ADGRL3: variants seen among roughly 807,000 people sequenced by gnomAD.
ADGRL3 encodes calcium-independent alpha-latrotoxin receptor 3.
A neutral mutation model predicts 153.5 loss-of-function variants in ADGRL3; 62 were observed. The ratio of observed to expected loss-of-function variants is 0.40; its 90% CI spans 0.33 to 0.50. The LOEUF is 0.50. Ranked by LOEUF, ADGRL3 falls within the 20% of genes least tolerant of loss-of-function variation. ADGRL3 has a pLI of 0.47. For missense variants in ADGRL3, 1,641 were observed against 1,859.4 expected, an observed-to-expected ratio of 0.88 and a Z score of 2.16; for synonymous variants, 710 against 672.5, an observed-to-expected ratio of 1.06 and a Z score of -0.86.
At chr4:61,759,127 T>A (rs1200014475) in intron 8 of ADGRL3, among the ~76,000 whole-genome samples, 1 of 152,182 alleles carries the variant, frequency 6.6e-6, no homozygotes, top group Non-Finnish European at 1.5e-5. Flanking sequence ...TTCCTTCATT[T>A]CAACTTTGGT....
chr4:61,883,895 A>T (rs986031515), intron 9 of ADGRL3, among the ~76,000 whole-genome samples: 1 of 152,018 alleles, frequency 6.6e-6, no homozygotes, highest in African/African-American at 2.4e-5. Flanking sequence ...CACAATGTGT[A>T]ATGCAAGACA....
chr4:61,415,206 G>T (rs2097132389), intron 2 of ADGRL3, among the ~76,000 whole-genome samples: 1 of 151,822 alleles, frequency 6.6e-6, no homozygotes, highest in South Asian at 2.1e-4. Flanking sequence ...GACCTCAGCT[G>T]AGATACTACT....
intron 21 of ADGRL3, among the ~76,000 whole-genome samples, chr4:62,010,946 T>A (rs563779346): frequency 1.3e-3 from 192 of 152,294 alleles, no homozygotes; most frequent in African/African-American, 4.5e-3. Context: ...AAAACCAAGT[T>A]CATATCTTTA....
At chr4:62,059,480 G>A (rs917195455) in intron 25 of ADGRL3, among the ~76,000 whole-genome samples, 1 of 152,136 alleles carries the variant, frequency 6.6e-6, no homozygotes, top group African/African-American at 2.4e-5. Context: ...AGACAGTAAA[G>A]AAGCAAGTGA....
intron 6 of ADGRL3, among the ~76,000 whole-genome samples, chr4:61,725,059 T>A (rs2096304014): frequency 6.6e-6 from 1 of 152,154 alleles, no homozygotes; most frequent in Admixed American, 6.5e-5. Context: ...TCTTTGAAAA[T>A]ACCATAGTGC....
intron 8 of ADGRL3, among the ~76,000 whole-genome samples, chr4:61,736,386 G>A (rs894126326): frequency 6.6e-6 from 1 of 152,196 alleles, no homozygotes; most frequent in East Asian, 1.9e-4. Flanking sequence ...GGGCGTGGTG[G>A]CTCTTGCCTG....
At chr4:61,325,287 G>C (rs1363113085) in intron 1 of ADGRL3, among the ~76,000 whole-genome samples, 1 of 152,026 alleles carries the variant, frequency 6.6e-6, no homozygotes, top group East Asian at 1.9e-4. Context: ...CCTCCAGCCT[G>C]GCGACAGTGA....
chr4:61,373,205 A>G (rs572929768), intron 1 of ADGRL3, among the ~76,000 whole-genome samples: 3 of 152,230 alleles, frequency 2.0e-5, no homozygotes, highest in Admixed American at 2.0e-4. Flanking sequence ...TCAGGCTGGG[A>G]GCTGTAGACC....
rs35918477 is a variant in ADGRL3, at chr4:61,200,501, G to GCGCCGCCGCCGCCGCCGC, written c.-1497_-1480dup. ...CAGATGCTGCAGCTGGTCGGGGTGG[G>GCGCCGCCGCCGCCGCCGC]CGCCGCCGCCGCCGCCGCCGCCGCT... On this transcript the variant is annotated 5_prime_UTR_variant, in exon 1 of 27. Transcript: ENST00000683033. Among the ~76,000 whole-genome samples the GCGCCGCCGCCGCCGCCGC allele has an allele frequency of 2.8e-4, 42 of 150,412 alleles. No homozygotes were observed. The highest frequency in any genetic ancestry group is 1.0e-3 in the African/African-American group (41 of 40,916).
chr4:61,674,547 C>T (rs955813173), intron 5 of ADGRL3, among the ~76,000 whole-genome samples: 5 of 151,736 alleles, frequency 3.3e-5, no homozygotes, highest in African/African-American at 1.2e-4. Context: ...TAAATATTCA[C>T]ACATCAGAAT....
At chr4:61,910,322 A>T (rs527900115) in intron 12 of ADGRL3, among the ~76,000 whole-genome samples, 5 of 152,108 alleles carry the variant, frequency 3.3e-5, no homozygotes, top group Admixed American at 3.3e-4. Flanking sequence ...TATCACTAAC[A>T]TTAAAATGTT....
At chr4:61,578,247 C>A (rs1031362951) in intron 4 of ADGRL3, among the ~76,000 whole-genome samples, 1 of 151,986 alleles carries the variant, frequency 6.6e-6, no homozygotes, top group African/African-American at 2.4e-5. Flanking sequence ...GCCTTCTATT[C>A]TTCCTATCTT....
At chr4:61,268,084 G>C (rs1331158506) in intron 1 of ADGRL3, among the ~76,000 whole-genome samples, 1 of 151,552 alleles carries the variant, frequency 6.6e-6, no homozygotes, top group African/African-American at 2.4e-5. Context: ...GTAAATGTAT[G>C]ACTGGTTTTC....
At chr4:61,966,028 C>T (rs574589743) in intron 17 of ADGRL3, among the ~76,000 whole-genome samples, 44 of 152,036 alleles carry the variant, frequency 2.9e-4, no homozygotes, top group Admixed American at 1.6e-3. Flanking sequence ...CTGGAAGATC[C>T]GCATTCTGCT....
chr4:61,393,624 A>G (rs1380595287), intron 2 of ADGRL3, among the ~76,000 whole-genome samples: 2 of 152,050 alleles, frequency 1.3e-5, no homozygotes, highest in East Asian at 1.9e-4. Flanking sequence ...CAGGGTGAAT[A>G]TACATTTTTA....
At chr4:61,627,587 C>T (rs2092910925) in intron 5 of ADGRL3, among the ~76,000 whole-genome samples, 3 of 152,140 alleles carry the variant, frequency 2.0e-5, no homozygotes, top group Admixed American at 2.0e-4. Context: ...TGCCACTGCA[C>T]TCCAGCCTGG....
At chr4:61,767,911 A>G (rs1473071358) in intron 8 of ADGRL3, among the ~76,000 whole-genome samples, 2 of 152,128 alleles carry the variant, frequency 1.3e-5, no homozygotes, top group Non-Finnish European at 2.9e-5. Context: ...AGGTGAGGTT[A>G]ATTAAGTCCT....
intron 8 of ADGRL3, among the ~76,000 whole-genome samples, chr4:61,754,997 A>T (rs2152097073): frequency 6.6e-6 from 1 of 152,152 alleles, no homozygotes; most frequent in South Asian, 2.1e-4. Context: ...TATGTGCCAC[A>T]TTTTCTTAAT....
intron 9 of ADGRL3, among the ~76,000 whole-genome samples, chr4:61,842,656 T>A (rs1384372840): frequency 1.3e-5 from 2 of 152,258 alleles, no homozygotes; most frequent in East Asian, 3.9e-4. Context: ...ACTAAGAAAA[T>A]CAGAATCTTA....
Sources: gnomAD v4.1 joint callset for allele counts (sites outside exome capture counted in the v4.1 genomes callset) on GRCh38, gnomAD v4.1.1 for gene constraint, MANE v1.5 for transcripts, NCBI Gene and HGNC (gene_info 2026-07-23, HGNC 2026-07-21) for gene names.